Variants in ATCAY observed in about 807,000 individuals in gnomAD.
ATCAY encodes caytaxin.
In ATCAY, 22 loss-of-function variants were observed where a neutral mutation model predicts 47.7. That is an observed-to-expected ratio of 0.46 (90% CI 0.33 to 0.66). The LOEUF is 0.66. Among genes scored for constraint, ATCAY ranks in the 30% least tolerant of loss-of-function variants. The pLI, the probability that ATCAY is intolerant of heterozygous loss-of-function variation, is 0.02. For synonymous variants in ATCAY, 216 were observed against 207.6 expected (o/e 1.04, Z -0.35); for missense variants, 452 against 515.0 (o/e 0.88, Z 1.18).
chr19:3,882,040 A>G (rs1445114124), intron 1 of ATCAY, among the ~76,000 whole-genome samples: 1 of 151,748 alleles, frequency 6.6e-6, no homozygotes, highest in African/African-American at 2.4e-5. Flanking sequence ...CCACTTCCTC[A>G]TCTGGCTGAG....
chr19:3,884,666 G>C (rs1187898133), intron 1 of ATCAY, among the ~76,000 whole-genome samples: 2 of 152,078 alleles, frequency 1.3e-5, no homozygotes, highest in African/African-American at 4.8e-5. Context: ...GTTTCCAAGG[G>C]AGCAGGACTT....
At chr19:3,887,268 G>A (rs1000434753) in intron 2 of ATCAY, among the ~76,000 whole-genome samples, 1 of 151,444 alleles carries the variant, frequency 6.6e-6, no homozygotes, top group East Asian at 2.0e-4. Context: ...AACCAGCCTG[G>A]GCAAGATAGT....
intron 1 of ATCAY, 105 bp from the exon 2 acceptor site, chr19:3,885,622 G>A (rs1599274036): frequency 1.6e-6 from 1 of 612,010 alleles, no homozygotes. Context: ...GGAAGGGGGA[G>A]GGGGAGACGG....
chr19:3,917,647 G>C, intron 9 of ATCAY, 95 bp from the exon 10 acceptor site: 1 of 1,182,232 alleles, frequency 8.5e-7, no homozygotes, highest in Non-Finnish European at 1.2e-6. Flanking sequence ...AAAAAAGAGA[G>C]CTTGTTTCTC....
intron 2 of ATCAY, among the ~76,000 whole-genome samples, chr19:3,887,448 ACT>A (rs2038667807): frequency 1.3e-5 from 2 of 151,228 alleles, no homozygotes; most frequent in South Asian, 4.2e-4. Context: ...ACAGAGCGAG[ACT>A]CTGTCTCTAT....
chr19:3,913,973 C>T (rs1031363386), intron 9 of ATCAY, 117 bp downstream of exon 9: 4 of 838,688 alleles, frequency 4.8e-6, no homozygotes, highest in Admixed American at 2.2e-5. Flanking sequence ...GCGGTGGCTC[C>T]TGCCTGTAAT....
In ATCAY at chr19:3,907,700, G is replaced by A. The variant is rs1445142226; in HGVS notation, c.359-34G>A. Reference sequence around the variant, plus strand: ...GGAGGGCAGGAGATATCCGGACTCTGGCGTCCATGCGACTCTCCGCCACCT... The same window carrying A: ...GGAGGGCAGGAGATATCCGGACTCTAGCGTCCATGCGACTCTCCGCCACCT... On this transcript the variant is annotated intron_variant, in intron 4 of 12. Coordinates refer to ENST00000450849, the MANE Select transcript of ATCAY (RefSeq NM_033064.5). The surrounding 1 kb of genome is among the most constrained non-coding windows in gnomAD (Gnocchi z 5.1). The A allele has an allele frequency of 2.5e-6, 4 of 1,611,304 alleles. No individual in the cohort carries two copies. The Admixed American group carries it at 6.7e-5, about 27-fold the overall frequency.
chr19:3,908,699 TCCTCC>T, intron 6 of ATCAY, among the ~76,000 whole-genome samples: 1 of 39,344 alleles, frequency 2.5e-5, no homozygotes, highest in Non-Finnish European at 5.3e-5. Context: ...TCCTCCCCCC[TCCTCC>T]TCCCTTTTCT....
chr19:3,884,460 G>A (rs560080741), intron 1 of ATCAY, among the ~76,000 whole-genome samples: 2 of 152,112 alleles, frequency 1.3e-5, no homozygotes, highest in Non-Finnish European at 2.9e-5. Flanking sequence ...ACATATGGCA[G>A]ATAGCGATGG....
chr19:3,920,194 G>C (rs2039004254), intron 11 of ATCAY: 1 of 152,076 alleles, frequency 6.6e-6, no homozygotes, highest in Non-Finnish European at 1.5e-5. Flanking sequence ...AAGTTTAAAA[G>C]TTAGCCAGGC....
chr19:3,912,166 C>A (rs1276318480), intron 8 of ATCAY, among the ~76,000 whole-genome samples: 1 of 152,120 alleles, frequency 6.6e-6, no homozygotes, highest in Non-Finnish European at 1.5e-5. Flanking sequence ...CACTCTTGCA[C>A]GAACCCAATA....
At chr19:3,905,724 T>A (rs921448717) in intron 4 of ATCAY, 69 bp downstream of exon 4, 32 of 1,412,020 alleles carry the variant, frequency 2.3e-5, no homozygotes, top group Non-Finnish European at 3.1e-5. Flanking sequence ...CGTCTCTGGA[T>A]TCCCATAGGC....
chr19:3,885,875 TG>T, intron 2 of ATCAY, 31 bp downstream of exon 2: 1 of 1,547,840 alleles, frequency 6.5e-7, no homozygotes, highest in Non-Finnish European at 8.7e-7. Context: ...AGTCAACCGT[TG>T]GGGGAGCAGG....
chr19:3,902,132 G>A (rs187883665), intron 2 of ATCAY, among the ~76,000 whole-genome samples: 20 of 152,250 alleles, frequency 1.3e-4, no homozygotes, highest in African/African-American at 3.9e-4. Flanking sequence ...GGGCAACATA[G>A]TGAGACCCCA....
chr19:3,894,642 A>AC (rs1417423183), intron 2 of ATCAY, among the ~76,000 whole-genome samples: 1 of 150,610 alleles, frequency 6.6e-6, no homozygotes, highest in East Asian at 1.9e-4. Context: ...AAAAAAAAAA[A>AC]AAAACTGTAA....
At chr19:3,886,382 G>A (rs974196134) in intron 2 of ATCAY, among the ~76,000 whole-genome samples, 4 of 152,124 alleles carry the variant, frequency 2.6e-5, no homozygotes, top group Non-Finnish European at 4.4e-5. Context: ...CATGAGGTCA[G>A]CAGATGGAAA....
chr19:3,903,982 C>CAAA (rs59631453), intron 3 of ATCAY, among the ~76,000 whole-genome samples: 4,465 of 78,906 alleles, frequency 0.057, 189 homozygotes, highest in East Asian at 0.14. Context: ...ACTAAAGATA[C>CAAA]AAAAAAAAAA....
At chr19:3,887,131 T>A (rs2038664862) in intron 2 of ATCAY, among the ~76,000 whole-genome samples, 1 of 151,896 alleles carries the variant, frequency 6.6e-6, no homozygotes, top group African/African-American at 2.4e-5. Context: ...TAACAAATAT[T>A]GGGTGACAGG....
At chr19:3,911,118 C>A (rs2038919348) in intron 8 of ATCAY, among the ~76,000 whole-genome samples, 1 of 152,172 alleles carries the variant, frequency 6.6e-6, no homozygotes, top group African/African-American at 2.4e-5. Context: ...GTGGCTGACA[C>A]CTGTAATCCC....
Sources: allele counts gnomAD v4.1 joint callset (sites outside exome capture counted in the v4.1 genomes callset), GRCh38; gene constraint gnomAD v4.1.1; non-coding constraint Gnocchi (gnomAD v3.1); transcripts MANE v1.5; gene names NCBI Gene and HGNC (gene_info 2026-07-23, HGNC 2026-07-21).